The following HPSE2 variants were observed in gnomAD, a reference collection of about 807,000 sequenced individuals.
The protein encoded by HPSE2 is heparanase 2 (inactive), also known as inactive heparanase-2.
HPSE2 carries 38 observed loss-of-function variants against 60.5 expected under a neutral mutation model. The ratio of observed to expected loss-of-function variants is 0.63; its 90% CI spans 0.48 to 0.82. The LOEUF is 0.82. Ranked by LOEUF, HPSE2 falls within the 40% of genes least tolerant of loss-of-function variation. The pLI, the probability that HPSE2 is intolerant of heterozygous loss-of-function variation, is 0.00. For missense variants in HPSE2, 713 were observed against 740.4 expected (o/e 0.96, Z 0.43); for synonymous variants, 295 against 293.2 (o/e 1.01, Z -0.06).
intron 3 of HPSE2, among the ~76,000 whole-genome samples, chr10:98,753,712 C>T (rs1360822098): frequency 6.6e-6 from 1 of 152,154 alleles, no homozygotes; most frequent in African/African-American, 2.4e-5. Context: ...GTACCAGCCC[C>T]CCAGGGTTAG....
intron 11 of HPSE2, among the ~76,000 whole-genome samples, chr10:98,467,239 C>G (rs1940574657): frequency 6.6e-6 from 1 of 152,158 alleles, no homozygotes; most frequent in Admixed American, 6.5e-5. Flanking sequence ...AGTCTCTCCA[C>G]TAGATTGGAA....
intron 9 of HPSE2, among the ~76,000 whole-genome samples, chr10:98,564,837 T>C (rs539299885): frequency 1.3e-5 from 2 of 152,322 alleles, no homozygotes; most frequent in South Asian, 2.1e-4. Flanking sequence ...CCTGTCTTAA[T>C]GTTTCCAACC....
chr10:98,521,057 T>C (rs1219730989), intron 9 of HPSE2, among the ~76,000 whole-genome samples: 1 of 152,188 alleles, frequency 6.6e-6, no homozygotes, highest in African/African-American at 2.4e-5. Flanking sequence ...ACCTAGGCAA[T>C]ACCATTGAGG....
At position 98,868,542 on chromosome 10, in the gene HPSE2, G is replaced by T. The variant is rs1446068991; in HGVS notation, c.611-124486C>A. On this transcript the variant is annotated intron_variant, in intron 3 of 11. Transcript: ENST00000370552. ...AACACAAACGGTAAATGCTTGAGGG[G>T]ATCGATACCCAATTTTCCAAGATGT... Among the ~76,000 whole-genome samples the T allele has an allele frequency of 2.0e-5, 3 of 152,212 alleles. No homozygotes were observed. In the East Asian group the frequency reaches 5.8e-4, roughly 29 times the overall value.
At chr10:98,762,648 AACC>A (rs1950031990) in intron 3 of HPSE2, among the ~76,000 whole-genome samples, 1 of 152,206 alleles carries the variant, frequency 6.6e-6, no homozygotes, top group African/African-American at 2.4e-5. Context: ...CTGACATTGA[AACC>A]ACCATGCATG....
chr10:98,632,768 T>C (rs1426036988), intron 7 of HPSE2, among the ~76,000 whole-genome samples: 1 of 152,158 alleles, frequency 6.6e-6, no homozygotes, highest in Non-Finnish European at 1.5e-5. Flanking sequence ...AATTTGCAGA[T>C]TTCCTTGTTT....
intron 3 of HPSE2, among the ~76,000 whole-genome samples, chr10:98,800,004 T>C (rs943692861): frequency 1.3e-5 from 2 of 152,044 alleles, no homozygotes; most frequent in African/African-American, 4.8e-5. Flanking sequence ...GTTGTTTTTT[T>C]GAAAAGATAA....
intron 4 of HPSE2, among the ~76,000 whole-genome samples, chr10:98,728,773 T>C (rs1949154737): frequency 6.6e-6 from 1 of 152,116 alleles, no homozygotes; most frequent in South Asian, 2.1e-4. Flanking sequence ...TTTGCTAGGC[T>C]GAGGTGGGAG....
chr10:99,049,488 C>T (rs886238850), intron 3 of HPSE2, among the ~76,000 whole-genome samples: 6 of 151,824 alleles, frequency 4.0e-5, no homozygotes, highest in African/African-American at 1.5e-4. Flanking sequence ...TTTTGACAGA[C>T]AAAGGCAAAG....
At chr10:98,527,221 T>C (rs1013991047) in intron 9 of HPSE2, among the ~76,000 whole-genome samples, 4 of 152,202 alleles carry the variant, frequency 2.6e-5, no homozygotes, top group African/African-American at 4.8e-5. Context: ...TGACTCTTTA[T>C]GATCTACTCT....
At chr10:98,672,167 C>T (rs1196973597) in intron 6 of HPSE2, among the ~76,000 whole-genome samples, 1 of 152,098 alleles carries the variant, frequency 6.6e-6, no homozygotes, top group Non-Finnish European at 1.5e-5. Context: ...TTTCATGTTA[C>T]CCTTAACTTT....
intron 3 of HPSE2, among the ~76,000 whole-genome samples, chr10:99,077,529 TTATTC>T (rs1254625737): frequency 3.3e-5 from 5 of 152,102 alleles, no homozygotes; most frequent in African/African-American, 1.2e-4. Flanking sequence ...TTTAGTTCAA[TTATTC>T]TATTCTTCAG....
At chr10:98,668,716 G>T (rs1205187974) in intron 6 of HPSE2, among the ~76,000 whole-genome samples, 1 of 152,100 alleles carries the variant, frequency 6.6e-6, no homozygotes, top group Non-Finnish European at 1.5e-5. Context: ...GCAAAATAAT[G>T]AATCTGGACT....
intron 2 of HPSE2, among the ~76,000 whole-genome samples, chr10:99,194,895 GCCAGGATTATCTTGATA>G (rs1038367303): frequency 6.6e-6 from 1 of 151,864 alleles, no homozygotes; most frequent in African/African-American, 2.4e-5. Context: ...ATTCTACAAG[GCCAGGATTATCTTGATA>G]CCAAAACCAG....
chr10:99,214,619 T>C (rs1849057633), intron 2 of HPSE2, among the ~76,000 whole-genome samples: 1 of 152,106 alleles, frequency 6.6e-6, no homozygotes, highest in Admixed American at 6.6e-5. Context: ...AAAGAGCATC[T>C]ACACATCAAA....
chr10:98,886,030 A>G (rs1322743573), intron 3 of HPSE2, among the ~76,000 whole-genome samples: 1 of 152,130 alleles, frequency 6.6e-6, no homozygotes, highest in African/African-American at 2.4e-5. Flanking sequence ...TAGTCAATTT[A>G]TGAGCATCTT....
chr10:98,676,901 TTC>T (rs1947657780), intron 6 of HPSE2, among the ~76,000 whole-genome samples: 1 of 148,770 alleles, frequency 6.7e-6, no homozygotes, highest in Non-Finnish European at 1.5e-5. Context: ...GTCTTTTTCT[TTC>T]TGTTCCATTT....
At chr10:98,965,316 G>A (rs1488241588) in intron 3 of HPSE2, among the ~76,000 whole-genome samples, 2 of 152,096 alleles carry the variant, frequency 1.3e-5, no homozygotes, top group Non-Finnish European at 1.5e-5. Context: ...TCTGAGTAAG[G>A]AGATAAGGAG....
At chr10:99,180,889 CAAAAAAAAAAAAAAA>C (rs68033581) in intron 2 of HPSE2, among the ~76,000 whole-genome samples, 8 of 29,692 alleles carry the variant, frequency 2.7e-4, no homozygotes, top group African/African-American at 1.7e-3. Context: ...GACTCCATCT[CAAAAAAAAAAAAAAA>C]AAAAAAAAAA....
Sources: allele counts gnomAD v4.1 joint callset (sites outside exome capture counted in the v4.1 genomes callset), GRCh38; gene constraint gnomAD v4.1.1; transcripts MANE v1.5; gene names NCBI Gene and HGNC (gene_info 2026-07-23, HGNC 2026-07-21).